The following HS3ST5 variants were observed in gnomAD, a reference collection of about 807,000 sequenced individuals.
HS3ST5 encodes the protein heparan sulfate-glucosamine 3-sulfotransferase 5.
A neutral mutation model predicts 25.4 loss-of-function variants in HS3ST5; 10 were observed. The observed-to-expected ratio is 0.39, with a 90% CI of 0.24 to 0.67. HS3ST5 has a LOEUF of 0.67. Ranked by LOEUF, HS3ST5 falls within the 30% of genes least tolerant of loss-of-function variation. The probability of loss-of-function intolerance (pLI) is 0.44; values close to 1 mark genes in which losing one functional copy is unlikely to be tolerated. For missense variants in HS3ST5, 324 were observed against 420.7 expected (o/e 0.77, Z 2.01); for synonymous variants, 170 against 162.4 (o/e 1.05, Z -0.36).
At chr6:114,270,998 C>T (rs369347810) in intron 1 of HS3ST5, among the ~76,000 whole-genome samples, 7 of 151,416 alleles carry the variant, frequency 4.6e-5, no homozygotes, top group East Asian at 3.9e-4. Flanking sequence ...ATCATAGAAT[C>T]GTAGAATCAG....
intron 1 of HS3ST5, among the ~76,000 whole-genome samples, chr6:114,284,695 T>TAG (rs3049840): frequency 1.3e-5 from 2 of 151,518 alleles, no homozygotes; most frequent in African/African-American, 4.9e-5. Context: ...AATTACAACA[T>TAG]GAGTTTACAG....
chr6:114,278,903 C>A (rs1317620766), intron 1 of HS3ST5, among the ~76,000 whole-genome samples: 1 of 151,996 alleles, frequency 6.6e-6, no homozygotes, highest in Non-Finnish European at 1.5e-5. Flanking sequence ...CAGTAAGTCA[C>A]CACTCAGGAA....
At chr6:114,328,840 G>C (rs1240749955) in intron 1 of HS3ST5, among the ~76,000 whole-genome samples, 1 of 152,172 alleles carries the variant, frequency 6.6e-6, no homozygotes, top group Non-Finnish European at 1.5e-5. Context: ...CAAGGTGACT[G>C]CTTACTTCCC....
At chr6:114,302,565 C>T (rs1775124773) in intron 1 of HS3ST5, among the ~76,000 whole-genome samples, 1 of 152,114 alleles carries the variant, frequency 6.6e-6, no homozygotes, top group Admixed American at 6.5e-5. Flanking sequence ...AAATTCTTCA[C>T]AAACATTTTA....
chr6:114,102,031 A>G (rs1197391493), intron 3 of HS3ST5, among the ~76,000 whole-genome samples: 1 of 152,188 alleles, frequency 6.6e-6, no homozygotes, highest in Non-Finnish European at 1.5e-5. Flanking sequence ...TGAGAACAAG[A>G]GACACTGGGG....
chr6:114,210,249 T>C (rs529848272), intron 2 of HS3ST5, among the ~76,000 whole-genome samples: 15 of 152,214 alleles, frequency 9.9e-5, no homozygotes, highest in Non-Finnish European at 2.2e-4. Context: ...TCTAGGTATA[T>C]TCTACATTTT....
chr6:114,098,343 A>G (rs1249135891), intron 3 of HS3ST5, among the ~76,000 whole-genome samples: 1 of 151,646 alleles, frequency 6.6e-6, no homozygotes, highest in African/African-American at 2.4e-5. Flanking sequence ...ATACCTTTAC[A>G]ATATATTTGC....
At chr6:114,239,952 C>T (rs934987852) in intron 1 of HS3ST5, among the ~76,000 whole-genome samples, 1 of 151,964 alleles carries the variant, frequency 6.6e-6, no homozygotes, top group African/African-American at 2.4e-5. Flanking sequence ...GCACAAAGCT[C>T]ATCACTGAAT....
intron 2 of HS3ST5, among the ~76,000 whole-genome samples, chr6:114,205,033 A>G (rs931817559): frequency 6.6e-6 from 1 of 152,146 alleles, no homozygotes; most frequent in African/African-American, 2.4e-5. Context: ...GGGCATAGTG[A>G]ACACTGCCGT....
intron 1 of HS3ST5, among the ~76,000 whole-genome samples, chr6:114,317,722 C>T (rs902797621): frequency 5.9e-5 from 8 of 134,680 alleles, no homozygotes; most frequent in African/African-American, 2.8e-5. Context: ...GTGACACCAA[C>T]ATCAGGTAAA....
chr6:114,173,684 C>T (rs999774317), intron 2 of HS3ST5, among the ~76,000 whole-genome samples: 3 of 152,166 alleles, frequency 2.0e-5, no homozygotes, highest in Admixed American at 1.3e-4. Context: ...CATGGTGAAA[C>T]CCTGTCTCTA....
chr6:114,184,587 G>A (rs1366437011), intron 2 of HS3ST5, among the ~76,000 whole-genome samples: 1 of 152,204 alleles, frequency 6.6e-6, no homozygotes, highest in Non-Finnish European at 1.5e-5. Flanking sequence ...TTTTTCAAGG[G>A]AAGAATGAGG....
intron 3 of HS3ST5, among the ~76,000 whole-genome samples, chr6:114,160,716 A>G (rs928992162): frequency 2.1e-4 from 32 of 152,202 alleles, no homozygotes; most frequent in African/African-American, 7.7e-4. Context: ...AATATCTGAC[A>G]ACAGCATTAG....
intron 2 of HS3ST5, among the ~76,000 whole-genome samples, chr6:114,168,687 A>T (rs990590407): frequency 5.9e-5 from 9 of 152,180 alleles, no homozygotes; most frequent in Admixed American, 1.3e-4. Context: ...TAACCCTGGA[A>T]TATGTAATTG....
intron 3 of HS3ST5, among the ~76,000 whole-genome samples, chr6:114,075,464 G>A (rs1774068916): frequency 6.6e-6 from 1 of 152,184 alleles, no homozygotes; most frequent in African/African-American, 2.4e-5. Context: ...TCTTCACTGG[G>A]TATGTTTAGA....
At chr6:114,130,583 T>G (rs1777277599) in intron 3 of HS3ST5, among the ~76,000 whole-genome samples, 2 of 152,078 alleles carry the variant, frequency 1.3e-5, no homozygotes, top group Admixed American at 6.5e-5. Flanking sequence ...TTTTTTTTTC[T>G]TTTTGAGACG....
chr6:114,234,211 A>C (rs1005215961), intron 1 of HS3ST5, among the ~76,000 whole-genome samples: 38 of 152,084 alleles, frequency 2.5e-4, no homozygotes, highest in African/African-American at 8.7e-4. Flanking sequence ...GTTATACAAG[A>C]AGTAATTGCC....
intron 3 of HS3ST5, among the ~76,000 whole-genome samples, chr6:114,136,889 A>G (rs1466712476): frequency 1.3e-5 from 2 of 152,192 alleles, no homozygotes; most frequent in African/African-American, 2.4e-5. Flanking sequence ...TCTTTTAATT[A>G]TAATTGTTAC....
intron 1 of HS3ST5, chr6:114,251,494 C>T (rs1426804002): frequency 6.6e-6 from 1 of 152,220 alleles, no homozygotes; most frequent in Non-Finnish European, 1.5e-5. Flanking sequence ...TCAGCATTTA[C>T]ATTCCCTTTC....
Sources: allele counts gnomAD v4.1 joint callset (sites outside exome capture counted in the v4.1 genomes callset), GRCh38; gene constraint gnomAD v4.1.1; transcripts MANE v1.5; gene names NCBI Gene and HGNC (gene_info 2026-07-23, HGNC 2026-07-21).